Variants in ERC2 observed in about 807,000 individuals in gnomAD.
The protein encoded by ERC2 is ELKS/RAB6-interacting/CAST family member 2, also known as ERC protein 2.
In ERC2, 42 loss-of-function variants were observed where a neutral mutation model predicts 114.8. That is an observed-to-expected ratio of 0.37 (90% CI 0.29 to 0.47). The LOEUF (loss-of-function observed/expected upper bound fraction) is 0.47. Ranked by LOEUF, ERC2 falls within the 20% of genes least tolerant of loss-of-function variation. The pLI is 0.99. For synonymous variants in ERC2, 454 were observed against 425.5 expected, an observed-to-expected ratio of 1.07 and a Z score of -0.82; for missense variants, 939 against 1,150.7, an observed-to-expected ratio of 0.82 and a Z score of 2.66.
chr3:55,688,963 T>C (rs1418330562), intron 16 of ERC2, among the ~76,000 whole-genome samples: 1 of 152,188 alleles, frequency 6.6e-6, no homozygotes, highest in Non-Finnish European at 1.5e-5. Context: ...GAGCCACATC[T>C]CTGGTTTATT....
chr3:56,030,298 T>C lies in ERC2; in HGVS notation c.1642-11267A>G, dbSNP rs76754728. ...GCATTTCAGCAGCTGTTGGGAATAT[T>C]CTATAAATAGCAATCAGTTGATAGA... On this transcript the variant is annotated intron_variant, in intron 7 of 17. Transcript: ENST00000288221. 5.9e-3 allele frequency among the ~76,000 whole-genome samples: 904 copies of C among 152,292 alleles called. 22 individuals carry two copies. The East Asian group carries it at 0.062, about 10-fold the overall frequency.
chr3:56,398,247 T>A (rs116971420), intron 2 of ERC2, among the ~76,000 whole-genome samples: 3,555 of 152,348 alleles, frequency 0.023, 40 homozygotes, highest in South Asian at 0.069. Context: ...GAGAGTATTT[T>A]TGGACAACTT....
intron 14 of ERC2, among the ~76,000 whole-genome samples, chr3:55,800,450 T>G (rs911754164): frequency 6.6e-6 from 1 of 152,076 alleles, no homozygotes; most frequent in African/African-American, 2.4e-5. Flanking sequence ...CCGGAAGTTA[T>G]GTTTTAAGTC....
chr3:56,134,578 T>TG (rs909149316), intron 6 of ERC2, among the ~76,000 whole-genome samples: 1 of 151,888 alleles, frequency 6.6e-6, no homozygotes, highest in Non-Finnish European at 1.5e-5. Flanking sequence ...TTTTTTTTGG[T>TG]GGGGGGGTTT....
intron 2 of ERC2, among the ~76,000 whole-genome samples, chr3:56,362,542 C>T (rs577194856): frequency 6.6e-6 from 1 of 152,312 alleles, no homozygotes; most frequent in South Asian, 2.1e-4. Flanking sequence ...AGCAGCCACA[C>T]TCTAGTTCTG....
chr3:55,528,916 G>A (rs1012995307), intron 17 of ERC2, among the ~76,000 whole-genome samples: 4 of 152,146 alleles, frequency 2.6e-5, no homozygotes, highest in South Asian at 2.1e-4. Context: ...GGTTGCTCCC[G>A]GTTGAGAACT....
intron 2 of ERC2, among the ~76,000 whole-genome samples, chr3:56,367,845 G>A (rs1397136556): frequency 1.3e-5 from 2 of 151,434 alleles, no homozygotes; most frequent in Non-Finnish European, 1.5e-5. Context: ...GCTGAGATGG[G>A]AGGACTGTTT....
chr3:55,971,304 C>A (rs1389596924), intron 12 of ERC2, among the ~76,000 whole-genome samples: 2 of 151,874 alleles, frequency 1.3e-5, no homozygotes, highest in African/African-American at 2.4e-5. Flanking sequence ...CCAACAATCA[C>A]TTAATTATAC....
intron 12 of ERC2, among the ~76,000 whole-genome samples, chr3:55,975,267 C>G (rs536447776): frequency 6.6e-6 from 1 of 152,202 alleles, no homozygotes; most frequent in South Asian, 2.1e-4. Flanking sequence ...TCGACAAAGC[C>G]TGTTCTTATT....
At chr3:56,220,494 G>T (rs1425088040) in intron 3 of ERC2, among the ~76,000 whole-genome samples, 1 of 152,190 alleles carries the variant, frequency 6.6e-6, no homozygotes, top group Non-Finnish European at 1.5e-5. Flanking sequence ...CATTGAGAGG[G>T]ATGGAGAATC....
At chr3:55,933,597 C>T (rs533456177) in intron 13 of ERC2, among the ~76,000 whole-genome samples, 1 of 152,280 alleles carries the variant, frequency 6.6e-6, no homozygotes, top group South Asian at 2.1e-4. Flanking sequence ...GATCCTGCCT[C>T]CCCATAGCAT....
In ERC2 at chr3:56,152,243, A is replaced by G. The variant is rs560886078; in HGVS notation, c.1150-3111T>C. ...GGAAAGTCCTGAAGCAAAATATTCT[A>G]TTTAATTTTATTTATCACAGTATTA... is the stretch of plus-strand genomic sequence containing the variant. On this transcript the variant is annotated intron_variant, in intron 4 of 17. Transcript: ENST00000288221. 3.8e-4 allele frequency among the ~76,000 whole-genome samples: 58 copies of G among 152,270 alleles called. 1 individual carries two copies. In the South Asian group the frequency reaches 0.011, roughly 29 times the overall value.
chr3:55,998,133 A>G (rs1034135338), intron 10 of ERC2, among the ~76,000 whole-genome samples: 1 of 151,696 alleles, frequency 6.6e-6, no homozygotes, highest in Non-Finnish European at 1.5e-5. Context: ...AGAATATTCA[A>G]AAATTTGTGT....
chr3:56,448,763 A>T (rs567670265), intron 1 of ERC2, among the ~76,000 whole-genome samples: 6 of 152,112 alleles, frequency 3.9e-5, no homozygotes, highest in African/African-American at 1.4e-4. Flanking sequence ...GTGTTCCAGT[A>T]AAATTTTATT....
intron 2 of ERC2, among the ~76,000 whole-genome samples, chr3:56,330,414 T>G (rs1268017264): frequency 2.0e-5 from 3 of 152,174 alleles, no homozygotes; most frequent in Non-Finnish European, 4.4e-5. Context: ...ATTTTGCAGA[T>G]AAGTAACTAA....
At chr3:56,261,833 A>C in intron 3 of ERC2, among the ~76,000 whole-genome samples, 1 of 152,074 alleles carries the variant, frequency 6.6e-6, no homozygotes, top group East Asian at 1.9e-4. Flanking sequence ...AGTATCCATT[A>C]TTTATTTTTC....
At chr3:55,866,843 T>G (rs971033043) in intron 14 of ERC2, among the ~76,000 whole-genome samples, 1 of 152,148 alleles carries the variant, frequency 6.6e-6, no homozygotes, top group African/African-American at 2.4e-5. Flanking sequence ...CTGGGAAAGC[T>G]TCAAAGCTTG....
chr3:56,113,232 A>G (rs555014587), intron 6 of ERC2, among the ~76,000 whole-genome samples: 20 of 152,230 alleles, frequency 1.3e-4, no homozygotes, highest in Non-Finnish European at 8.8e-5. Flanking sequence ...GGGATACATT[A>G]AGGAAAAGAT....
rs186025430 is a variant in ERC2, at chr3:55,960,077, A to G, written c.2268-9517T>C. ...GAAGCCACCATCACATTTTGCCTGG[A>G]CCACAGGTCTCTTCTTGCCTCCCTG... On this transcript the variant is annotated intron_variant, in intron 12 of 17. Coordinates refer to ENST00000288221, the MANE Select transcript of ERC2 (RefSeq NM_015576.3). Among the ~76,000 whole-genome samples the G allele has an allele frequency of 2.1e-3, 321 of 152,314 alleles. 1 individual carries two copies. Among genetic ancestry groups the G allele is most frequent in the Admixed American group, 3.6e-3 (55 of 15,294 alleles).
Sources: allele counts gnomAD v4.1 joint callset (sites outside exome capture counted in the v4.1 genomes callset), GRCh38; gene constraint gnomAD v4.1.1; transcripts MANE v1.5; gene names NCBI Gene and HGNC (gene_info 2026-07-23, HGNC 2026-07-21).